NOL7: variants seen among roughly 807,000 people sequenced by gnomAD.
The protein encoded by NOL7 is nucleolar protein 7.
A neutral mutation model predicts 38.4 loss-of-function variants in NOL7; 36 were observed. That is an observed-to-expected ratio of 0.94 (90% CI 0.72 to 1.24). The LOEUF (loss-of-function observed/expected upper bound fraction) is 1.24. Ranked by LOEUF, NOL7 falls within the 50% of genes most tolerant of loss-of-function variation. NOL7 has a pLI of 0.00. For missense variants in NOL7, 350 were observed against 315.1 expected (o/e 1.11, Z -0.84); for synonymous variants, 142 against 126.5 (o/e 1.12, Z -0.82).
chr6:13,617,165 G>C (rs1323200114), intron 3 of NOL7, among the ~76,000 whole-genome samples: 1 of 151,950 alleles, frequency 6.6e-6, no homozygotes, highest in African/African-American at 2.4e-5. Flanking sequence ...TACATTAAAC[G>C]TAAGAGCAAA....
chr6:13,631,212 G>A (rs1764771842), intron 8 of NOL7, among the ~76,000 whole-genome samples: 2 of 152,062 alleles, frequency 1.3e-5, no homozygotes, highest in African/African-American at 2.4e-5. Context: ...ACTAGAAACA[G>A]CAGTTTTTAT....
chr6:13,630,373 CA>C (rs1764743320), intron 8 of NOL7, among the ~76,000 whole-genome samples: 1 of 152,152 alleles, frequency 6.6e-6, no homozygotes, highest in Non-Finnish European at 1.5e-5. Context: ...TTCTGAGCTT[CA>C]TGTAAATAAG....
At chr6:13,621,754 A>AAAG (rs1764454086), downstream of NOL7, 1 of 152,658 alleles carries the variant, frequency 6.6e-6, no homozygotes, top group South Asian at 2.1e-4. Context: ...CAAAGTTGAA[A>AAAG]AAGACCATGT....
chr6:13,617,084 C>T (rs111890107), intron 3 of NOL7, among the ~76,000 whole-genome samples: 3 of 152,080 alleles, frequency 2.0e-5, no homozygotes, highest in Non-Finnish European at 4.4e-5. Context: ...ATTCAGCCCC[C>T]TTTTGCTTAG....
At position 13,620,906 on chromosome 6, in the gene NOL7, TC is replaced by T; in HGVS notation, c.*80del. 1 of 899,726 alleles carries T rather than the reference TC, an allele frequency of 1.1e-6. No individual in the cohort carries two copies. Among genetic ancestry groups the T allele is most frequent in the Non-Finnish European group, 1.7e-6 (1 of 597,416 alleles). 55.7% of individuals were successfully genotyped at this position (899,726 alleles called of 1,614,324 possible). On this transcript the variant is annotated 3_prime_UTR_variant, in exon 8 of 8. Coordinates refer to ENST00000451315, the MANE Select transcript of NOL7 (RefSeq NM_016167.5). ...ATCATTCATAGATCATTTTAAAGGA[TC>T]ATTATAAAAATCATAAACCTATTTG...
chr6:13,615,522 G>A lies in NOL7; in HGVS notation c.164G>A (p.Gly55Glu), dbSNP rs957490832. 8 of 1,556,228 alleles carry A rather than the reference G, an allele frequency of 5.1e-6. No homozygotes were observed. The highest frequency in any genetic ancestry group is 1.4e-5 in the African/African-American group (1 of 73,384). Reference protein sequence around the residue: ...AAEPLEEDEEGDDEFDDEAPE... With the variant: ...AAEPLEEDEEEDDEFDDEAPE... ...GAGCCCCTGGAGGAAGACGAGGAAG[G>A]GGACGATGAGTTTGACGATGAGGCC... Residue 55 changes from glycine to glutamate, a missense_variant, in exon 1 of 8, where the codon GGG becomes GAG. Physicochemically the swap from Gly to Glu is moderately conservative, Grantham distance 98 (BLOSUM62 -2). Coordinates refer to ENST00000451315, the MANE Select transcript of NOL7 (RefSeq NM_016167.5).
intron 8 of NOL7, among the ~76,000 whole-genome samples, chr6:13,626,983 C>G (rs561526863): frequency 6.6e-6 from 1 of 152,344 alleles, no homozygotes; most frequent in South Asian, 2.1e-4. Flanking sequence ...GACCACAAGG[C>G]ATGGAATACA....
chr6:13,625,561 G>T, downstream of NOL7: 3 of 757,630 alleles, frequency 4.0e-6, 1 homozygote, highest in South Asian at 6.5e-5. Context: ...TTTTCCTGAT[G>T]ATTTTACCAA....
At position 13,621,412 on chromosome 6, in the gene NOL7, A is replaced by G. The variant is rs1362914120; in HGVS notation, c.*585A>G. ...GTTGTAGAACTCAGATTAATTGTAG[A>G]AACCATTAATTTTAATTGCTCTAAT... On this transcript the variant is annotated 3_prime_UTR_variant, in exon 8 of 8. Transcript: ENST00000451315. 1 of 152,684 alleles carries G rather than the reference A, an allele frequency of 6.5e-6. No individual in the cohort carries two copies. The highest frequency in any genetic ancestry group is 1.9e-4 in the East Asian group (1 of 5,206). 9.5% of individuals were successfully genotyped at this position (152,684 alleles called of 1,614,324 possible). A position where few individuals can be genotyped will look rare whatever the true frequency, so the allele number is the denominator to read the frequency against.
downstream of NOL7, chr6:13,625,510 T>C: frequency 4.2e-6 from 2 of 480,180 alleles, no homozygotes; most frequent in South Asian, 6.7e-5. Context: ...AGGGGGTTTC[T>C]ATATTTTAGG....
chr6:13,626,686 T>G (rs115228683), downstream of NOL7, among the ~76,000 whole-genome samples: 1,722 of 152,002 alleles, frequency 0.011, 23 homozygotes, highest in African/African-American at 0.038. Flanking sequence ...ACATGGAGAG[T>G]TGCTGCAGAA....
intron 8 of NOL7, among the ~76,000 whole-genome samples, chr6:13,628,718 A>C (rs1764693313): frequency 6.6e-6 from 1 of 152,246 alleles, no homozygotes. Context: ...AAACTGGCAA[A>C]ACAATACTAA....
intron 5 of NOL7, among the ~76,000 whole-genome samples, chr6:13,619,786 T>A (rs1473364774): frequency 2.0e-5 from 3 of 152,226 alleles, no homozygotes; most frequent in Non-Finnish European, 2.9e-5. Flanking sequence ...GTCCTTGTAA[T>A]TTAGTTTTAT....
chr6:13,622,093 A>G (rs981204005), downstream of NOL7: 3 of 211,782 alleles, frequency 1.4e-5, no homozygotes, highest in African/African-American at 6.9e-5. Context: ...TAATTGTTTT[A>G]AAGGATTTGT....
intron 8 of NOL7, among the ~76,000 whole-genome samples, chr6:13,629,988 C>T (rs1764734617): frequency 6.6e-6 from 1 of 151,142 alleles, no homozygotes; most frequent in African/African-American, 2.4e-5. Flanking sequence ...TTTATGCAAA[C>T]CTAAAAACGA....
At chr6:13,616,576 T>C in intron 3 of NOL7, 55 bp downstream of exon 3, 2 of 1,154,664 alleles carry the variant, frequency 1.7e-6, no homozygotes, top group Non-Finnish European at 1.3e-6. Flanking sequence ...CTTTGAATTA[T>C]ATACTGGTAC....
downstream of NOL7, among the ~76,000 whole-genome samples, chr6:13,625,936 T>C (rs1233841844): frequency 6.6e-6 from 1 of 152,232 alleles, no homozygotes; most frequent in Non-Finnish European, 1.5e-5. Context: ...CATTAAATTA[T>C]GCAGCAAAGC....
chr6:13,617,601 A>T (rs1475891196), intron 3 of NOL7, among the ~76,000 whole-genome samples, 169 bp from the exon 4 acceptor site: 3 of 152,348 alleles, frequency 2.0e-5, no homozygotes, highest in Admixed American at 2.0e-4. Flanking sequence ...GTGGCAGTGT[A>T]CTAGGGAGTG....
intron 5 of NOL7, among the ~76,000 whole-genome samples, chr6:13,618,431 T>C (rs889747941): frequency 6.6e-6 from 1 of 151,012 alleles, no homozygotes; most frequent in East Asian, 1.9e-4. Flanking sequence ...GTATTTTTAG[T>C]AGAGACGGGG....
Sources: gnomAD v4.1 joint callset for allele counts (sites outside exome capture counted in the v4.1 genomes callset) on GRCh38, gnomAD v4.1.1 for gene constraint, MANE v1.5 for transcripts, NCBI Gene and HGNC (gene_info 2026-07-23, HGNC 2026-07-21) for gene names.